Variants in DRD3 observed in about 807,000 individuals in gnomAD.
The protein encoded by DRD3 is dopamine receptor D3.
Under a neutral mutation model 36.3 loss-of-function variants are expected in DRD3, and 19 were observed. The ratio of observed to expected loss-of-function variants is 0.52; its 90% CI spans 0.36 to 0.77. The LOEUF is 0.77. DRD3 is among the 30% of genes least tolerant of loss of function. The pLI, the probability that DRD3 is intolerant of heterozygous loss-of-function variation, is 0.00. For synonymous variants in DRD3, 195 were observed against 203.7 expected, an observed-to-expected ratio of 0.96 and a Z score of 0.36; for missense variants, 465 against 505.3, an observed-to-expected ratio of 0.92 and a Z score of 0.77.
intron 2 of DRD3, among the ~76,000 whole-genome samples, chr3:114,163,381 C>T (rs929740391): frequency 6.6e-6 from 1 of 152,040 alleles, no homozygotes; most frequent in African/African-American, 2.4e-5. Flanking sequence ...TTTCTCATCA[C>T]AACCTGAAGA....
rs141536671 is a variant in DRD3, at chr3:114,128,799, C to T, written c.1120G>A (p.Val374Met). The T allele has an allele frequency of 2.0e-5, 32 of 1,613,980 alleles. No individual in the cohort carries two copies. Among genetic ancestry groups the T allele is most frequent in the East Asian group, 1.6e-4 (7 of 44,872 alleles). ...LYSATTWLGY[V>M]NSALNPVIYT... ...ATCACAGGGTTGAGGGCGCTATTCA[C>T]GTAGCCCAGCCATGTCGTGGCACTG... Residue 374 changes from valine to methionine, a missense_variant, in exon 7 of 7, where the codon GTG becomes ATG. Transcript: ENST00000383673.
intron 1 of DRD3, among the ~76,000 whole-genome samples, chr3:114,190,384 G>C (rs1379909182): frequency 2.6e-5 from 3 of 113,230 alleles, no homozygotes; most frequent in African/African-American, 9.8e-5. Flanking sequence ...TTGGAGCACA[G>C]AATGCATCCT....
intron 4 of DRD3, among the ~76,000 whole-genome samples, chr3:114,143,043 C>T (rs1046137883): frequency 3.9e-5 from 6 of 152,224 alleles, no homozygotes; most frequent in Admixed American, 2.0e-4. Context: ...CTGAAACCTT[C>T]TCTGCTGTGT....
chr3:114,174,009 T>G (rs1481669538), intron 1 of DRD3, among the ~76,000 whole-genome samples: 1 of 152,116 alleles, frequency 6.6e-6, no homozygotes, highest in East Asian at 1.9e-4. Flanking sequence ...GAACAAATAC[T>G]TGGGAAAGGG....
intron 4 of DRD3, among the ~76,000 whole-genome samples, chr3:114,143,509 T>C (rs535139253): frequency 7.2e-5 from 11 of 152,334 alleles, no homozygotes; most frequent in African/African-American, 2.6e-4. Flanking sequence ...GTGGACAGCT[T>C]GGCTCAGAGC....
At chr3:114,141,403 A>T (rs1272067295) in intron 4 of DRD3, among the ~76,000 whole-genome samples, 2 of 152,218 alleles carry the variant, frequency 1.3e-5, no homozygotes, top group Non-Finnish European at 1.5e-5. Context: ...GAAATATTGT[A>T]TAGTAGTTGT....
intron 1 of DRD3, among the ~76,000 whole-genome samples, chr3:114,184,992 A>G (rs1054817041): frequency 7.2e-5 from 11 of 152,170 alleles, no homozygotes; most frequent in African/African-American, 2.7e-4. Context: ...AAATTTGTTA[A>G]TATTCTTACC....
rs186899365 is a variant in DRD3, at chr3:114,179,044, C to G, written c.-423G>C. 1.3e-5 allele frequency: 2 copies of G among 152,270 alleles called. No homozygotes were observed. The highest frequency in any genetic ancestry group is 1.3e-4 in the Admixed American group (2 of 15,278). The allele number at this position is 152,270 out of a possible 1,614,324, so 9.4% of individuals were successfully genotyped here. A position where few individuals can be genotyped will look rare whatever the true frequency, so the allele number is the denominator to read the frequency against. On this transcript the variant is annotated 5_prime_UTR_variant, in exon 1 of 7. Coordinates refer to ENST00000383673, the MANE Select transcript of DRD3 (RefSeq NM_000796.6). ...TACCTCGCTCTCTTTTCCTCTTTGT[C>G]TCTCTATCTGCTCGGATACTGTGCT...
At chr3:114,139,246 A>G (rs2077501828) in intron 5 of DRD3, among the ~76,000 whole-genome samples, 2 of 152,238 alleles carry the variant, frequency 1.3e-5, no homozygotes, top group Admixed American at 1.3e-4. Flanking sequence ...AAAGACTTTG[A>G]AGGGAAGCAG....
chr3:114,190,885 A>T (rs2078007528), intron 1 of DRD3, among the ~76,000 whole-genome samples: 1 of 152,096 alleles, frequency 6.6e-6, no homozygotes. Context: ...GTGTGTATGG[A>T]AAAGGAAAAG....
In DRD3 at chr3:114,171,752, A is replaced by G; in HGVS notation, c.241T>C (p.Leu81=). The change falls in exon 2 of 7, where the codon TTG becomes CTG. Residue 81 remains leucine, a synonymous_variant. Transcript: ENST00000383673. ...AGGTATACCACCCAGGGCATCACCA[A>G]GGTGGCCACCAGCAAGTCTGCCACA... ...LAVADLLVAT[L]VMPWVVYLEV... 6.2e-7 allele frequency: 1 copy of G among 1,611,430 alleles called. No homozygotes were observed. Among genetic ancestry groups the G allele is most frequent in the South Asian group, 1.1e-5 (1 of 90,554 alleles).
chr3:114,160,313 C>T (rs758679474), intron 2 of DRD3, among the ~76,000 whole-genome samples: 1 of 151,980 alleles, frequency 6.6e-6, no homozygotes, highest in Non-Finnish European at 1.5e-5. Context: ...ATGGTGCGAT[C>T]TCGGCTCACC....
chr3:114,128,737 G>A lies in DRD3; in HGVS notation c.1182C>T (p.Phe394=), dbSNP rs1293569807. ...TTFNIEFRKA[F]LKILSC is the part of the protein sequence containing the mutation. ...TCCCTCAGCAAGACAGGATCTTGAGGAAGGCTTTCCGGAACTCGATATTGA... is the reference window on the plus strand; with the variant it reads ...TCCCTCAGCAAGACAGGATCTTGAGAAAGGCTTTCCGGAACTCGATATTGA... Residue 394 remains phenylalanine (F), a synonymous_variant, in exon 7 of 7, where the codon TTC becomes TTT. Transcript: ENST00000383673. The A allele has an allele frequency of 6.2e-7, 1 of 1,605,938 alleles. No individual in the cohort carries two copies. Among genetic ancestry groups the A allele is most frequent in the African/African-American group, 1.3e-5 (1 of 74,620 alleles).
intron 3 of DRD3, among the ~76,000 whole-genome samples, chr3:114,152,469 C>A (rs1282345706): frequency 6.6e-6 from 1 of 152,226 alleles, no homozygotes; most frequent in Non-Finnish European, 1.5e-5. Flanking sequence ...AAGTAAGAGA[C>A]AAGACTACAA....
Position 114,198,511 on chromosome 3 carries a change from G to A in DRD3, c.-156+762C>T, listed in dbSNP as rs148127069. Reference sequence around the variant, plus strand: ...CAATTGCTTTTTATAGATTGATTTCGTATTCTGCACCTTACTTATTTAGTT... The same window carrying A: ...CAATTGCTTTTTATAGATTGATTTCATATTCTGCACCTTACTTATTTAGTT... On this transcript the variant is annotated intron_variant, in intron 1 of 7. Coordinates refer to the DRD3 transcript ENST00000460779. Among the ~76,000 whole-genome samples the A allele has an allele frequency of 2.2e-4, 33 of 152,058 alleles. No homozygotes were observed. The East Asian group carries it at 5.2e-3, about 24-fold the overall frequency.
chr3:114,179,574 G>T (rs891622553), upstream of DRD3, among the ~76,000 whole-genome samples: 11 of 152,150 alleles, frequency 7.2e-5, no homozygotes, highest in African/African-American at 1.9e-4. Context: ...TGCAACCAAG[G>T]ACAATATCAG....
intron 1 of DRD3, among the ~76,000 whole-genome samples, chr3:114,198,257 T>G (rs1358144761): frequency 2.6e-5 from 4 of 151,132 alleles, no homozygotes; most frequent in Non-Finnish European, 5.9e-5. Flanking sequence ...GGAGATGGAG[T>G]CTCACTCTGT....
chr3:114,148,457 C>T (rs574154436), intron 3 of DRD3, among the ~76,000 whole-genome samples: 1 of 152,232 alleles, frequency 6.6e-6, no homozygotes, highest in East Asian at 1.9e-4. Context: ...TAACCAAAGC[C>T]CAGTTCCTTA....
At chr3:114,187,773 C>G (rs1192893814) in intron 1 of DRD3, among the ~76,000 whole-genome samples, 1 of 152,134 alleles carries the variant, frequency 6.6e-6, no homozygotes. Context: ...CTTATTTTCC[C>G]TATGTCTCTC....
Sources: allele counts gnomAD v4.1 joint callset (sites outside exome capture counted in the v4.1 genomes callset), GRCh38; gene constraint gnomAD v4.1.1; transcripts MANE v1.5; gene names NCBI Gene and HGNC (gene_info 2026-07-23, HGNC 2026-07-21).